The following NREP variants were observed in gnomAD, a reference collection of about 807,000 sequenced individuals.
NREP encodes neuronal regeneration-related protein.
A neutral mutation model predicts 8.6 loss-of-function variants in NREP; 5 were observed. The ratio of observed to expected loss-of-function variants is 0.58; its 90% CI spans 0.30 to 1.22. The LOEUF (loss-of-function observed/expected upper bound fraction) is 1.22. NREP is among the 50% of genes most tolerant of loss of function. NREP has a pLI of 0.07. For synonymous variants in NREP, 27 were observed against 28.0 expected (o/e 0.96, Z 0.11); for missense variants, 86 against 82.5 (o/e 1.04, Z -0.17).
chr5:111,944,781 C>A (rs1275448873), intron 2 of NREP, among the ~76,000 whole-genome samples: 2 of 152,122 alleles, frequency 1.3e-5, no homozygotes, highest in Non-Finnish European at 1.5e-5. Flanking sequence ...AAACCTGCTT[C>A]TTTGAGCCCC....
Position 111,756,124 on chromosome 5 carries a change from ACCAAGTGATAAAAATAG to A in NREP, c.-58-311_-58-295del, listed in dbSNP as rs1434512984. ...AAAGGTTTAGCAACTTAAAAGTAGA[ACCAAGTGATAAAAATAG>A]ATTGTTTTCTGGCTGCTCTTTGTTC... On this transcript the variant is annotated intron_variant, in intron 1 of 3. Transcript: ENST00000257435. 1.4e-5 allele frequency: 15 copies of A among 1,085,988 alleles called. 1 individual carries two copies. In the South Asian group the frequency reaches 5.0e-4, roughly 36 times the overall value. 67.3% of individuals were successfully genotyped at this position (1,085,988 alleles called of 1,614,324 possible). A position where few individuals can be genotyped will look rare whatever the true frequency, so the allele number is the denominator to read the frequency against.
intron 2 of NREP, among the ~76,000 whole-genome samples, chr5:111,825,063 C>T (rs1401426319): frequency 6.6e-6 from 1 of 152,066 alleles, no homozygotes; most frequent in East Asian, 1.9e-4. Context: ...TGTATTACAG[C>T]TAAAAAGTGT....
chr5:111,873,767 G>A (rs755680448), intron 2 of NREP, among the ~76,000 whole-genome samples: 2 of 152,162 alleles, frequency 1.3e-5, no homozygotes, highest in African/African-American at 2.4e-5. Context: ...TTTTTGTCAT[G>A]TAATGTATTC....
At chr5:111,899,550 G>T (rs2112545823) in intron 2 of NREP, among the ~76,000 whole-genome samples, 1 of 152,074 alleles carries the variant, frequency 6.6e-6, no homozygotes, top group Admixed American at 6.5e-5. Flanking sequence ...AAAAAAAGAT[G>T]AAAAAGAAAA....
intron 2 of NREP, among the ~76,000 whole-genome samples, chr5:111,966,524 T>C (rs1186068484): frequency 6.6e-6 from 1 of 152,170 alleles, no homozygotes; most frequent in Non-Finnish European, 1.5e-5. Context: ...TGTTTATTAC[T>C]ACCTTTCCTG....
At chr5:111,927,332 T>C (rs540533693) in intron 2 of NREP, among the ~76,000 whole-genome samples, 25 of 152,178 alleles carry the variant, frequency 1.6e-4, no homozygotes, top group Admixed American at 1.1e-3. Context: ...ATGGGAAAAT[T>C]TCCAAACCAC....
intron 2 of NREP, among the ~76,000 whole-genome samples, chr5:111,765,688 C>T (rs1054355168): frequency 6.6e-6 from 1 of 152,214 alleles, no homozygotes; most frequent in African/African-American, 2.4e-5. Flanking sequence ...TGCCTAGAAG[C>T]CTAGAAATTT....
At chr5:111,758,874 A>T (rs951637867), upstream of NREP, among the ~76,000 whole-genome samples, 10 of 152,224 alleles carry the variant, frequency 6.6e-5, no homozygotes, top group Non-Finnish European at 1.3e-4. Flanking sequence ...AAAACTACAA[A>T]GCCATTGCCA....
At chr5:111,967,080 G>T (rs1481694155) in intron 2 of NREP, among the ~76,000 whole-genome samples, 2 of 152,064 alleles carry the variant, frequency 1.3e-5, no homozygotes, top group African/African-American at 2.4e-5. Context: ...GTCATCTATT[G>T]GGTAGAGATC....
intron 2 of NREP, among the ~76,000 whole-genome samples, chr5:111,911,429 T>C (rs1754909402): frequency 6.6e-6 from 1 of 152,124 alleles, no homozygotes; most frequent in Non-Finnish European, 1.5e-5. Flanking sequence ...ACAAAGTATC[T>C]AGCCCATTAA....
chr5:111,860,283 T>C (rs1753516592), intron 2 of NREP, among the ~76,000 whole-genome samples: 1 of 152,156 alleles, frequency 6.6e-6, no homozygotes. Context: ...AGTGCCCCCT[T>C]TGATTGCCTC....
intron 2 of NREP, among the ~76,000 whole-genome samples, chr5:111,769,044 A>G (rs1020371929): frequency 1.3e-5 from 2 of 152,058 alleles, no homozygotes; most frequent in African/African-American, 4.8e-5. Context: ...TTGACTTTTA[A>G]TAATAGGCAT....
intron 2 of NREP, among the ~76,000 whole-genome samples, chr5:111,838,276 C>T (rs1257604436): frequency 6.6e-6 from 1 of 152,080 alleles, no homozygotes; most frequent in Non-Finnish European, 1.5e-5. Flanking sequence ...TCAGTTTAGA[C>T]TAAGTACATT....
chr5:111,965,182 G>A (rs1411899618), intron 2 of NREP, among the ~76,000 whole-genome samples: 1 of 152,012 alleles, frequency 6.6e-6, no homozygotes, highest in Non-Finnish European at 1.5e-5. Context: ...CTCCTCTGAT[G>A]TTTCTTTTTT....
chr5:111,772,701 A>C (rs1036769595), intron 2 of NREP, among the ~76,000 whole-genome samples: 14 of 151,622 alleles, frequency 9.2e-5, no homozygotes, highest in Admixed American at 9.2e-4. Flanking sequence ...ACAGCCTTCG[A>C]CCCGGGAAAG....
chr5:111,734,732 T>C, intron 3 of NREP: 1 of 700,950 alleles, frequency 1.4e-6, no homozygotes, highest in Non-Finnish European at 2.6e-6. Context: ...GATTCTGTTT[T>C]TCTTTCTTAA....
intron 2 of NREP, among the ~76,000 whole-genome samples, chr5:111,847,568 C>A (rs1753212866): frequency 6.6e-6 from 1 of 152,132 alleles, no homozygotes; most frequent in Admixed American, 6.6e-5. Context: ...ATAAACTATA[C>A]TAACTCATAG....
At chr5:111,951,422 G>A (rs189745854) in intron 2 of NREP, among the ~76,000 whole-genome samples, 214 of 152,030 alleles carry the variant, frequency 1.4e-3, no homozygotes, top group African/African-American at 4.9e-3. Flanking sequence ...GCCCACCATC[G>A]GTTTTTGTAA....
chr5:111,962,061 C>T lies in NREP; in HGVS notation c.135+13213G>A, dbSNP rs183339157. Among the ~76,000 whole-genome samples, 160 of 152,248 alleles carry T rather than the reference C, an allele frequency of 1.1e-3. 1 individual carries two copies. Among genetic ancestry groups the T allele is most frequent in the Non-Finnish European group, 7.2e-4 (49 of 68,002 alleles). ...AAATCCCAGAGGAGGAGGCAGGATTCGTGCTCTAGCAGCCTCCACAAGAAC... is the reference window on the plus strand; with the variant it reads ...AAATCCCAGAGGAGGAGGCAGGATTTGTGCTCTAGCAGCCTCCACAAGAAC... On this transcript the variant is annotated intron_variant, in intron 2 of 3. Transcript: ENST00000395634.
Sources: gnomAD v4.1 joint callset for allele counts (sites outside exome capture counted in the v4.1 genomes callset) on GRCh38, gnomAD v4.1.1 for gene constraint, MANE v1.5 for transcripts, NCBI Gene and HGNC (gene_info 2026-07-23, HGNC 2026-07-21) for gene names.